THSD4: variants seen among roughly 807,000 people sequenced by gnomAD.
The protein encoded by THSD4 is thrombospondin type 1 domain containing 4.
In THSD4, 69 loss-of-function variants were observed where a neutral mutation model predicts 119.0. The observed-to-expected ratio is 0.58, with a 90% confidence interval of 0.48 to 0.71. The LOEUF (loss-of-function observed/expected upper bound fraction) is 0.71, where lower values mean the gene tolerates loss of function less well. Among genes scored for constraint, THSD4 ranks in the 30% least tolerant of loss-of-function variants. The pLI is 0.00. For synonymous variants in THSD4, 524 were observed against 540.4 expected (o/e 0.97, Z 0.42); for missense variants, 1,393 against 1,391.1 (o/e 1.00, Z -0.02).
chr15:71,504,661 A>G (rs1441938569), intron 7 of THSD4, among the ~76,000 whole-genome samples: 1 of 152,200 alleles, frequency 6.6e-6, no homozygotes, highest in Non-Finnish European at 1.5e-5. Flanking sequence ...GATAGTAGAG[A>G]GAGTTCCTGT....
chr15:71,486,313 T>C (rs2047815906), intron 7 of THSD4, among the ~76,000 whole-genome samples: 1 of 152,222 alleles, frequency 6.6e-6, no homozygotes, highest in Non-Finnish European at 1.5e-5. Context: ...GGATTCCACT[T>C]CCAGTTCCAC....
intron 7 of THSD4, among the ~76,000 whole-genome samples, chr15:71,609,239 T>C (rs1288786006): frequency 6.6e-6 from 1 of 152,230 alleles, no homozygotes; most frequent in Admixed American, 6.5e-5. Flanking sequence ...AACACATATA[T>C]GAATTCATAC....
chr15:71,286,328 T>C (rs1240471714), intron 6 of THSD4, among the ~76,000 whole-genome samples: 1 of 152,148 alleles, frequency 6.6e-6, no homozygotes, highest in East Asian at 1.9e-4. Flanking sequence ...TGCCCTTCCA[T>C]AGGCCCCTGT....
chr15:71,696,810 G>A (rs1002119), intron 8 of THSD4, among the ~76,000 whole-genome samples: 25,550 of 152,130 alleles, frequency 0.17, 2,447 homozygotes, highest in East Asian at 0.38. Flanking sequence ...CTTTGAGGCA[G>A]GCAGAGAGAA....
intron 8 of THSD4, among the ~76,000 whole-genome samples, chr15:71,687,873 G>A (rs1192518932): frequency 6.6e-6 from 1 of 151,896 alleles, no homozygotes; most frequent in Non-Finnish European, 1.5e-5. Flanking sequence ...ATGCCAATAT[G>A]CAAATTAACC....
chr15:71,345,268 G>T (rs2045639532), intron 6 of THSD4, among the ~76,000 whole-genome samples: 1 of 152,152 alleles, frequency 6.6e-6, no homozygotes, highest in Admixed American at 6.5e-5. Context: ...TATACTTGTG[G>T]CCTGCCAGAT....
intron 7 of THSD4, among the ~76,000 whole-genome samples, chr15:71,485,250 T>G (rs2047797539): frequency 6.6e-6 from 1 of 152,152 alleles, no homozygotes; most frequent in African/African-American, 2.4e-5. Flanking sequence ...GTATGGAGCC[T>G]TAGATGAGGG....
chr15:71,112,484 A>G (rs761126441), upstream of THSD4, among the ~76,000 whole-genome samples: 2 of 152,210 alleles, frequency 1.3e-5, no homozygotes, highest in Non-Finnish European at 2.9e-5. Context: ...AAAGGTTTCA[A>G]GTCAAAATTA....
intron 6 of THSD4, among the ~76,000 whole-genome samples, chr15:71,370,952 T>C (rs188717684): frequency 6.6e-6 from 1 of 152,232 alleles, no homozygotes; most frequent in Non-Finnish European, 1.5e-5. Context: ...GCTTTATGAA[T>C]CTGGTTGCTC....
intron 6 of THSD4, among the ~76,000 whole-genome samples, chr15:71,302,626 A>G (rs2044968004): frequency 6.6e-6 from 1 of 152,090 alleles, no homozygotes; most frequent in Non-Finnish European, 1.5e-5. Flanking sequence ...GAAGCAGGCA[A>G]TGCAGATTTT....
chr15:71,295,907 T>G (rs1354379837), intron 6 of THSD4, among the ~76,000 whole-genome samples: 1 of 152,236 alleles, frequency 6.6e-6, no homozygotes. Flanking sequence ...AATAGAATCA[T>G]GCACTGTGTG....
intron 7 of THSD4, among the ~76,000 whole-genome samples, chr15:71,564,116 G>T (rs11857403): frequency 0.026 from 3,895 of 152,264 alleles, 172 homozygotes; most frequent in African/African-American, 0.086. Context: ...CAAATGTATT[G>T]TCAGTGATTC....
chr15:71,735,355 TTGTC>T (rs2053062372), intron 10 of THSD4, among the ~76,000 whole-genome samples: 1 of 152,028 alleles, frequency 6.6e-6, no homozygotes, highest in South Asian at 2.1e-4. Flanking sequence ...ACACTGGACA[TTGTC>T]TGGTACACCT....
chr15:71,685,092 G>A (rs373157860), intron 8 of THSD4, among the ~76,000 whole-genome samples: 1 of 151,236 alleles, frequency 6.6e-6, no homozygotes, highest in Non-Finnish European at 1.5e-5. Flanking sequence ...TATTAAATTT[G>A]CTTATTTTCA....
intron 6 of THSD4, among the ~76,000 whole-genome samples, chr15:71,397,445 CATGAATGA>C (rs550984650): frequency 6.6e-5 from 10 of 152,296 alleles, no homozygotes; most frequent in African/African-American, 2.4e-4. Flanking sequence ...TAAACGAATC[CATGAATGA>C]ATAAATGTTG....
intron 8 of THSD4, among the ~76,000 whole-genome samples, chr15:71,707,445 T>G (rs756942506): frequency 6.6e-6 from 1 of 152,206 alleles, no homozygotes; most frequent in Non-Finnish European, 1.5e-5. Flanking sequence ...TAAACCAACA[T>G]GTGAATATCA....
At chr15:71,412,567 C>T (rs773471509) in intron 7 of THSD4, among the ~76,000 whole-genome samples, 2 of 152,190 alleles carry the variant, frequency 1.3e-5, no homozygotes, top group African/African-American at 2.4e-5. Context: ...GGAGCCCAAA[C>T]GAAGAGTCTC....
intron 6 of THSD4, among the ~76,000 whole-genome samples, chr15:71,280,685 A>G (rs1486068373): frequency 6.8e-6 from 1 of 147,810 alleles, no homozygotes; most frequent in Non-Finnish European, 1.5e-5. Context: ...TTCCTTTCTC[A>G]CTCACCCAGT....
At chr15:71,246,355 C>T (rs2044201215) in intron 5 of THSD4, among the ~76,000 whole-genome samples, 1 of 152,118 alleles carries the variant, frequency 6.6e-6, no homozygotes, top group South Asian at 2.1e-4. Context: ...TCAGTGGTAA[C>T]TGAAGAAATA....
Sources: allele counts gnomAD v4.1 joint callset (sites outside exome capture counted in the v4.1 genomes callset), GRCh38; gene constraint gnomAD v4.1.1; transcripts MANE v1.5; gene names NCBI Gene and HGNC (gene_info 2026-07-23, HGNC 2026-07-21).